CAT: variants seen among roughly 807,000 people sequenced by gnomAD.
CAT encodes catalase, also known as epididymis secretory sperm binding protein.
A neutral mutation model predicts 59.0 loss-of-function variants in CAT; 43 were observed. That is an observed-to-expected ratio of 0.73 (90% CI 0.57 to 0.94). CAT has a LOEUF of 0.94. Among genes scored for constraint, CAT ranks in the 40% least tolerant of loss-of-function variants. The probability of loss-of-function intolerance (pLI) is 0.00; values close to 1 mark genes in which losing one functional copy is unlikely to be tolerated. For missense variants in CAT, 664 were observed against 682.9 expected (o/e 0.97, Z 0.31); for synonymous variants, 218 against 230.9 (o/e 0.94, Z 0.51).
intron 10 of CAT, among the ~76,000 whole-genome samples, chr11:34,465,577 AT>A (rs1323071844): frequency 2.0e-5 from 3 of 152,162 alleles, no homozygotes; most frequent in Non-Finnish European, 4.4e-5. Context: ...ACACATGAAA[AT>A]TTATTATGTG....
chr11:34,449,707 G>A (rs905027648), intron 2 of CAT, among the ~76,000 whole-genome samples: 1 of 152,140 alleles, frequency 6.6e-6, no homozygotes, highest in African/African-American at 2.4e-5. Context: ...GCTAATTGAC[G>A]TAAGCAAGAG....
intron 10 of CAT, among the ~76,000 whole-genome samples, 200 bp downstream of exon 10, chr11:34,464,435 A>G (rs1322278946): frequency 6.6e-6 from 1 of 152,172 alleles, no homozygotes; most frequent in Non-Finnish European, 1.5e-5. Context: ...TTTGCCTCAA[A>G]GCATGCAGAC....
chr11:34,470,932 T>A, intron 11 of CAT, 26 bp from the exon 12 acceptor site: 1 of 1,582,788 alleles, frequency 6.3e-7, no homozygotes, highest in African/African-American at 1.3e-5. Flanking sequence ...AGAGTAATGC[T>A]TGCATTTATT....
At chr11:34,460,336 G>A (rs17886672) in intron 8 of CAT, among the ~76,000 whole-genome samples, 4 of 151,926 alleles carry the variant, frequency 2.6e-5, no homozygotes, top group African/African-American at 9.7e-5. Flanking sequence ...GCATTGTAGG[G>A]CTTTCATTTT....
chr11:34,471,524 C>A lies in CAT; in HGVS notation c.*91C>A. 1.9e-6 allele frequency: 2 copies of A among 1,065,924 alleles called. No individual in the cohort carries two copies. The highest frequency in any genetic ancestry group is 1.5e-5 in the African/African-American group (1 of 64,536). 66.0% of individuals were successfully genotyped at this position (1,065,924 alleles called of 1,614,324 possible). ...TGAAGATTCTCCTGTGCTAGATGTG[C>A]AAATGCAAGCTAGTGGCTTCAAAAT... On this transcript the variant is annotated 3_prime_UTR_variant, in exon 13 of 13. Transcript: ENST00000241052.
chr11:34,466,188 T>G (rs1303867368), intron 10 of CAT, among the ~76,000 whole-genome samples: 1 of 152,228 alleles, frequency 6.6e-6, no homozygotes, highest in African/African-American at 2.4e-5. Flanking sequence ...AACATAACTT[T>G]GCCTCTGCTC....
At chr11:34,443,774 A>G (rs879315481) in intron 1 of CAT, among the ~76,000 whole-genome samples, 6 of 152,204 alleles carry the variant, frequency 3.9e-5, no homozygotes, top group African/African-American at 9.6e-5. Context: ...CCTATGCATT[A>G]TAGCCTGTGA....
intron 10 of CAT, among the ~76,000 whole-genome samples, chr11:34,466,385 A>G (rs1564966816): frequency 6.6e-6 from 1 of 152,238 alleles, no homozygotes; most frequent in Non-Finnish European, 1.5e-5. Context: ...AAGAGGGAGA[A>G]AAAACCCCCT....
intron 10 of CAT, among the ~76,000 whole-genome samples, chr11:34,466,696 G>A (rs1261189407): frequency 6.7e-6 from 1 of 149,030 alleles, no homozygotes; most frequent in Non-Finnish European, 1.5e-5. Flanking sequence ...CAGGAGAATG[G>A]CGTGAACCCG....
intron 11 of CAT, among the ~76,000 whole-genome samples, chr11:34,470,156 C>G (rs919816141): frequency 6.6e-6 from 1 of 152,166 alleles, no homozygotes; most frequent in African/African-American, 2.4e-5. Flanking sequence ...TCTGCAGATT[C>G]TGACTGCAAA....
At chr11:34,448,830 T>C (rs1465935778) in intron 1 of CAT, among the ~76,000 whole-genome samples, 1 of 152,154 alleles carries the variant, frequency 6.6e-6, no homozygotes, top group African/African-American at 2.4e-5. Context: ...CATTGCTGGA[T>C]TGGACATTTC....
chr11:34,457,244 G>A (rs1856602110), intron 8 of CAT, among the ~76,000 whole-genome samples: 1 of 95,784 alleles, frequency 1.0e-5, no homozygotes, highest in South Asian at 3.7e-4. Context: ...ACAGAGTCTT[G>A]CTCTGTCGCC....
chr11:34,447,034 G>A (rs543837208), intron 1 of CAT, among the ~76,000 whole-genome samples: 1 of 152,260 alleles, frequency 6.6e-6, no homozygotes, highest in African/African-American at 2.4e-5. Flanking sequence ...GTGAGCCACC[G>A]CGCCCAGCCT....
chr11:34,439,068 C>G lies in CAT; in HGVS notation c.55C>G (p.Arg19Gly), dbSNP rs759951974. ...SDQMQHWKEQ[R>G]AAQKADVLTT... ...CCAGATGCAGCACTGGAAGGAGCAG[C>G]GGGCCGCGCAGGTACACTCTGTGCT... The change falls in exon 1 of 13, where the codon CGG becomes GGG. Residue 19 changes from arginine to glycine, a missense_variant. Arg to Gly is a moderately radical substitution (Grantham distance 125). Coordinates refer to ENST00000241052, the MANE Select transcript of CAT (RefSeq NM_001752.4). 1 of 1,592,168 alleles carries G rather than the reference C, an allele frequency of 6.3e-7. No individual in the cohort carries two copies. The highest frequency in any genetic ancestry group is 1.1e-5 in the South Asian group (1 of 88,172).
chr11:34,470,926 T>G (rs1005092627), intron 11 of CAT, 32 bp from the exon 12 acceptor site: 2 of 1,550,764 alleles, frequency 1.3e-6, no homozygotes, highest in Non-Finnish European at 8.9e-7. Context: ...GGAGTTAGAG[T>G]AATGCTTGCA....
intron 1 of CAT, among the ~76,000 whole-genome samples, chr11:34,442,877 C>T (rs1466984691): frequency 6.6e-6 from 1 of 152,170 alleles, no homozygotes; most frequent in Non-Finnish European, 1.5e-5. Flanking sequence ...CAGGCCACAC[C>T]TGGGGTAGTC....
chr11:34,453,821 T>G lies in CAT; in HGVS notation c.606T>G (p.Asp202Glu), dbSNP rs1284760561. The G allele has an allele frequency of 1.2e-6, 2 of 1,613,674 alleles. No homozygotes were observed. Among genetic ancestry groups the G allele is most frequent in the Admixed American group, 3.3e-5 (2 of 60,016 alleles). ...SLHQVSFLFSDRGIPDGHRHM... is the reference protein window; with the variant it reads ...SLHQVSFLFSERGIPDGHRHM... ...TTTAGGTTTCTTTCTTGTTCAGTGA[T>G]CGGGGGATTCCAGATGGACATCGCC... Residue 202 changes from aspartate (D) to glutamate (E), a missense_variant, in exon 6 of 13, where the codon GAT becomes GAG. By Grantham distance (45) the Asp-to-Glu change is conservative. Coordinates refer to ENST00000241052, the MANE Select transcript of CAT (RefSeq NM_001752.4).
chr11:34,464,013 C>T, intron 9 of CAT, 92 bp from the exon 10 acceptor site: 1 of 1,263,918 alleles, frequency 7.9e-7, no homozygotes, highest in Non-Finnish European at 1.2e-6. Context: ...TATTTGATTA[C>T]CACTTGAATT....
rs1856559839 is a variant in CAT at position 34,453,907 on chromosome 11, A to T, written c.692A>T (p.Tyr231Phe). ...KLVNANGEAV[Y>F]CKFHYKTDQG... ...GTTAATGCAAATGGGGAGGCAGTTT[A>T]TTGCAAATTCCATTATAAGGTATGT... is the stretch of plus-strand genomic sequence containing the variant. The change falls in exon 6 of 13, where the codon TAT becomes TTT. Residue 231 changes from tyrosine (Y) to phenylalanine (F), a missense_variant. Transcript: ENST00000241052. 6.2e-7 allele frequency: 1 copy of T among 1,613,872 alleles called. No individual in the cohort carries two copies. The highest frequency in any genetic ancestry group is 1.7e-5 in the Admixed American group (1 of 60,000).
Sources: allele counts gnomAD v4.1 joint callset (sites outside exome capture counted in the v4.1 genomes callset), GRCh38; gene constraint gnomAD v4.1.1; transcripts MANE v1.5; gene names NCBI Gene and HGNC (gene_info 2026-07-23, HGNC 2026-07-21).